Variants in ALG6 observed in about 807,000 individuals in gnomAD.
The protein encoded by ALG6 is ALG6 alpha-1,3-glucosyltransferase.
In ALG6, 46 loss-of-function variants were observed where a neutral mutation model predicts 66.6. The observed-to-expected ratio is 0.69, with a 90% CI of 0.55 to 0.88. ALG6 has a LOEUF of 0.88. Among genes scored for constraint, ALG6 ranks in the 40% least tolerant of loss-of-function variants. The pLI is 0.00. For synonymous variants in ALG6, 185 were observed against 203.7 expected, an observed-to-expected ratio of 0.91 and a Z score of 0.78; for missense variants, 505 against 586.8, an observed-to-expected ratio of 0.86 and a Z score of 1.44.
intron 5 of ALG6, 81 bp from the exon 6 acceptor site, chr1:63,406,236 T>G: frequency 8.2e-7 from 1 of 1,215,538 alleles, no homozygotes. Context: ...GAATTCTCAA[T>G]GTTGGAGGAA....
At chr1:63,400,220 T>C (rs1480464750) in intron 3 of ALG6, among the ~76,000 whole-genome samples, 3 of 22,052 alleles carry the variant, frequency 1.4e-4, no homozygotes, top group Non-Finnish European at 1.9e-4. Context: ...TATATATATA[T>C]ACGTATATAT....
chr1:63,383,145 C>A (rs138576698), intron 2 of ALG6, among the ~76,000 whole-genome samples: 18 of 151,622 alleles, frequency 1.2e-4, no homozygotes, highest in Middle Eastern at 3.5e-3. Context: ...AGTCTCGCTC[C>A]ATTGCCCTGT....
In ALG6 at chr1:63,411,174, T is replaced by C. The variant is rs767833842; in HGVS notation, c.523T>C (p.Leu175=). 1 of 1,613,740 alleles carries C rather than the reference T, an allele frequency of 6.2e-7. No homozygotes were observed. The highest frequency in any genetic ancestry group is 1.3e-5 in the African/African-American group (1 of 74,890). ...QYNSVSLGFA[L]WGVLGISCDC... is the part of the protein sequence containing the mutation. The stretch of plus-strand genomic sequence containing the variant: ...TAATTCTGTGAGTCTTGGCTTTGCT[T>C]TGTGGGGTGTTCTTGGAATATCTTG... Residue 175 remains leucine, a synonymous_variant, in exon 8 of 15, where the codon TTG becomes CTG. Transcript: ENST00000263440.
intron 2 of ALG6, among the ~76,000 whole-genome samples, chr1:63,374,554 G>T (rs1407458815): frequency 1.3e-5 from 2 of 151,990 alleles, no homozygotes; most frequent in African/African-American, 4.8e-5. Flanking sequence ...CTTGAACCTG[G>T]AAGGCAGAGG....
At chr1:63,413,993 T>C in intron 9 of ALG6, 68 bp from the exon 10 acceptor site, 2 of 1,188,636 alleles carry the variant, frequency 1.7e-6, no homozygotes, top group East Asian at 4.7e-5. Context: ...GATTATGGGC[T>C]GTACTTCATG....
intron 14 of ALG6, among the ~76,000 whole-genome samples, chr1:63,430,481 G>A (rs1014691978): frequency 3.9e-5 from 6 of 152,208 alleles, no homozygotes; most frequent in African/African-American, 1.4e-4. Context: ...CTGCCAAACT[G>A]TTTTCCAAAG....
rs79501898 is a variant in ALG6, at chr1:63,434,850, G to A, written c.1327-1973G>A. Among the ~76,000 whole-genome samples, 47 of 152,254 alleles carry A rather than the reference G, an allele frequency of 3.1e-4. 2 individuals are homozygous for A. The East Asian group carries it at 7.7e-3, about 25-fold the overall frequency. On this transcript the variant is annotated intron_variant, in intron 14 of 14. Coordinates refer to ENST00000263440, the MANE Select transcript of ALG6 (RefSeq NM_013339.4). ...ATAGATTAATAAGAGGAATAGGTAC[G>A]AAGCCCCAGAATGCAGACGTAGGGG...
At chr1:63,378,864 G>T (rs868132231) in intron 2 of ALG6, among the ~76,000 whole-genome samples, 1,993 of 130,594 alleles carry the variant, frequency 0.015, 29 homozygotes, top group African/African-American at 0.052. Context: ...TAATTTGTTT[G>T]TTTTTTTTTT....
rs544261088 is a variant in ALG6 at position 63,430,173 on chromosome 1, G to A, written c.1326+1047G>A. 7.2e-5 allele frequency among the ~76,000 whole-genome samples: 11 copies of A among 152,242 alleles called. No homozygotes were observed. The South Asian group carries it at 2.1e-3, about 29-fold the overall frequency. On this transcript the variant is annotated intron_variant, in intron 14 of 14. Transcript: ENST00000263440. ...TGGGATTACAGGCATGAGCCACTGC[G>A]CCCAGTCACTTAGCATATTTTTGAG...
chr1:63,406,390 TA>T lies in ALG6; in HGVS notation c.422del (p.Lys141ArgfsTer19). The T allele has an allele frequency of 6.2e-7, 1 of 1,612,880 alleles. No individual in the cohort carries two copies. The highest frequency in any genetic ancestry group is 8.5e-7 in the Non-Finnish European group (1 of 1,179,224). On this transcript the variant is annotated frameshift_variant, in exon 6 of 15. Coordinates refer to ENST00000263440, the MANE Select transcript of ALG6 (RefSeq NM_013339.4). LOFTEE classifies it high-confidence loss of function. ...GTTGTTGCTTAAAAGAAATCTCAAC[TA>T]AGAAAAAGGTAGGTTTTCAAGCAGC... Reference protein sequence around the residue: ...YCCCLKEISTKKKIANALCIL... With the variant: ...YCCCLKEISTXKKIANALCIL...
chr1:63,395,389 A>G (rs769560563), intron 2 of ALG6, among the ~76,000 whole-genome samples: 11 of 152,148 alleles, frequency 7.2e-5, no homozygotes, highest in Non-Finnish European at 1.5e-4. Context: ...TAAGTTATTT[A>G]TAGTTTGTAA....
chr1:63,423,224 A>T (rs964366223), intron 12 of ALG6, among the ~76,000 whole-genome samples: 6 of 152,056 alleles, frequency 3.9e-5, no homozygotes, highest in Non-Finnish European at 8.8e-5. Flanking sequence ...GGGTTTCACC[A>T]TGTTGGCCAG....
chr1:63,419,349 T>TCC, intron 11 of ALG6, 21 bp from the exon 12 acceptor site: 1 of 1,586,974 alleles, frequency 6.3e-7, no homozygotes, highest in Non-Finnish European at 8.6e-7. Context: ...ATATCTCATT[T>TCC]CCCCCCCTTT....
chr1:63,395,514 G>A (rs547950979), intron 2 of ALG6, among the ~76,000 whole-genome samples: 2 of 152,192 alleles, frequency 1.3e-5, no homozygotes, highest in South Asian at 4.2e-4. Flanking sequence ...TGGCCAACAT[G>A]GTGAAACCGG....
At chr1:63,428,844 T>G in intron 13 of ALG6, 43 bp downstream of exon 13, 1 of 1,582,242 alleles carries the variant, frequency 6.3e-7, no homozygotes, top group African/African-American at 1.3e-5. Flanking sequence ...ATAATTCTTG[T>G]AAACTAATTT....
chr1:63,372,075 G>T (rs543633601), intron 2 of ALG6, among the ~76,000 whole-genome samples: 1 of 152,278 alleles, frequency 6.6e-6, no homozygotes, highest in African/African-American at 2.4e-5. Flanking sequence ...GAATTTTCTA[G>T]GCAAATGAAG....
At chr1:63,413,502 C>T (rs1183214315) in intron 9 of ALG6, among the ~76,000 whole-genome samples, 1 of 152,186 alleles carries the variant, frequency 6.6e-6, no homozygotes, top group East Asian at 1.9e-4. Context: ...GTCTGCACAG[C>T]TGTAAGTCAA....
chr1:63,427,182 T>C (rs1644619976), intron 12 of ALG6, among the ~76,000 whole-genome samples: 1 of 151,068 alleles, frequency 6.6e-6, no homozygotes. Flanking sequence ...TTTTTTTTTT[T>C]TTTTGTATTT....
At chr1:63,368,742 C>T (rs112108863) in intron 1 of ALG6, among the ~76,000 whole-genome samples, 3,719 of 152,186 alleles carry the variant, frequency 0.024, 117 homozygotes, top group African/African-American at 0.078. Flanking sequence ...CTCAGGTGAT[C>T]CACCTGCCTC....
Sources: gnomAD v4.1 joint callset for allele counts (sites outside exome capture counted in the v4.1 genomes callset) on GRCh38, gnomAD v4.1.1 for gene constraint, MANE v1.5 for transcripts, NCBI Gene and HGNC (gene_info 2026-07-23, HGNC 2026-07-21) for gene names.